The following ZNRF1 variants were observed in gnomAD, a reference collection of about 807,000 sequenced individuals.
ZNRF1 encodes the protein E3 ubiquitin-protein ligase ZNRF1.
A neutral mutation model predicts 18.4 loss-of-function variants in ZNRF1; 3 were observed. The observed-to-expected ratio is 0.16, with a 90% CI of 0.07 to 0.42. ZNRF1 has a LOEUF of 0.42. Among genes scored for constraint, ZNRF1 ranks in the 10% least tolerant of loss-of-function variants. The probability of loss-of-function intolerance (pLI) is 0.99; values close to 1 mark genes in which losing one functional copy is unlikely to be tolerated. For synonymous variants in ZNRF1, 157 were observed against 144.2 expected, an observed-to-expected ratio of 1.09 and a Z score of -0.64; for missense variants, 310 against 329.8, an observed-to-expected ratio of 0.94 and a Z score of 0.47.
At chr16:75,096,061 C>CGTGTGTGTGTGTGTGTGTGTGTGTGTGT (rs56013949) in intron 2 of ZNRF1, among the ~76,000 whole-genome samples, 11 of 139,640 alleles carry the variant, frequency 7.9e-5, no homozygotes, top group Admixed American at 4.3e-4. Flanking sequence ...TATGTGTGCA[C>CGTGTGTGTGTGTGTGTGTGTGTGTGTGT]GTGTGTGTGT....
chr16:75,018,306 T>C (rs1390261217), intron 1 of ZNRF1, among the ~76,000 whole-genome samples: 2 of 152,226 alleles, frequency 1.3e-5, no homozygotes, highest in Non-Finnish European at 2.9e-5. Context: ...TATGCTCTTG[T>C]AGGTTTCATA....
intron 2 of ZNRF1, chr16:75,104,228 T>G (rs1247817569): frequency 6.6e-6 from 1 of 152,516 alleles, no homozygotes; most frequent in Non-Finnish European, 1.5e-5. Flanking sequence ...TATTCCATTG[T>G]GTGGATACAT....
intron 1 of ZNRF1, chr16:75,002,410 G>C (rs1359880818): frequency 6.6e-6 from 1 of 152,192 alleles, no homozygotes; most frequent in Admixed American, 6.5e-5. Flanking sequence ...TTGCAAGATT[G>C]GAAGGGTAAC....
At chr16:75,070,390 A>T (rs747831225) in intron 1 of ZNRF1, among the ~76,000 whole-genome samples, 38 of 152,208 alleles carry the variant, frequency 2.5e-4, no homozygotes, top group Admixed American at 3.9e-4. Flanking sequence ...TCTGAAATAT[A>T]AGCCACCTCT....
chr16:75,063,130 A>T (rs1460296100), intron 1 of ZNRF1, among the ~76,000 whole-genome samples: 5 of 152,236 alleles, frequency 3.3e-5, no homozygotes, highest in African/African-American at 1.2e-4. Flanking sequence ...AAATTTTTGC[A>T]GAGTCATGCG....
chr16:75,051,911 C>G (rs2035611635), intron 1 of ZNRF1, among the ~76,000 whole-genome samples: 2 of 152,206 alleles, frequency 1.3e-5, no homozygotes, highest in Non-Finnish European at 2.9e-5. Context: ...GTACACATTT[C>G]AAAGTAAACT....
chr16:75,031,295 C>G (rs1013321142), intron 1 of ZNRF1, among the ~76,000 whole-genome samples: 1 of 151,880 alleles, frequency 6.6e-6, no homozygotes, highest in Admixed American at 6.6e-5. Context: ...CCAAACCCAA[C>G]TAATTTTTGT....
At chr16:75,081,263 C>T (rs2036008633) in intron 1 of ZNRF1, among the ~76,000 whole-genome samples, 1 of 152,180 alleles carries the variant, frequency 6.6e-6, no homozygotes, top group Non-Finnish European at 1.5e-5. Flanking sequence ...AAGGCCAGTC[C>T]TGTTTTTCTA....
chr16:75,026,828 C>G (rs934661139), intron 1 of ZNRF1, among the ~76,000 whole-genome samples: 1 of 151,722 alleles, frequency 6.6e-6, no homozygotes, highest in Non-Finnish European at 1.5e-5. Context: ...CCCAGCTACT[C>G]AGGAGGCTGA....
chr16:75,060,581 C>A (rs978183313), intron 1 of ZNRF1, among the ~76,000 whole-genome samples: 5 of 145,360 alleles, frequency 3.4e-5, no homozygotes, highest in African/African-American at 1.0e-4. Context: ...CAGGTTCAAG[C>A]GATTCTCCTG....
chr16:75,018,472 CTA>C (rs1473807977), intron 1 of ZNRF1, among the ~76,000 whole-genome samples: 16 of 152,070 alleles, frequency 1.1e-4, no homozygotes, highest in African/African-American at 3.6e-4. Context: ...GTATTAGAAT[CTA>C]TGATCATGGG....
rs568620637 is a variant in ZNRF1, at chr16:75,097,748, T to C, written c.520+4081T>C. Reference sequence around the variant, plus strand: ...GAGAGGATCACTTGAGCCCAGGAGATTGAGGCAGCAGTGAGCTTGATCACG... The same window carrying C: ...GAGAGGATCACTTGAGCCCAGGAGACTGAGGCAGCAGTGAGCTTGATCACG... On this transcript the variant is annotated intron_variant, in intron 2 of 4. Transcript: ENST00000335325. Among the ~76,000 whole-genome samples, 8 of 152,262 alleles carry C rather than the reference T, an allele frequency of 5.3e-5. No homozygotes were observed. The South Asian group carries it at 1.5e-3, about 28-fold the overall frequency.
chr16:75,044,186 C>T (rs1457459256), intron 1 of ZNRF1, among the ~76,000 whole-genome samples: 3 of 151,820 alleles, frequency 2.0e-5, no homozygotes, highest in Non-Finnish European at 2.9e-5. Flanking sequence ...GTTTAGATGT[C>T]ACCTTCCCTA....
chr16:75,061,840 G>GA lies in ZNRF1; in HGVS notation c.425-31730dup, dbSNP rs2035748576. ...GCTTGGTTTAAAGTGCTAATTTGAG[G>GA]AACCAGGTGCTTTGCGTCAGCTTCT... On this transcript the variant is annotated intron_variant, in intron 1 of 4. Transcript: ENST00000335325. Among the ~76,000 whole-genome samples, 4 of 152,286 alleles carry GA rather than the reference G, an allele frequency of 2.6e-5. No homozygotes were observed. The South Asian group carries it at 8.3e-4, about 32-fold the overall frequency.
chr16:75,039,527 G>T (rs2035415786), intron 1 of ZNRF1, among the ~76,000 whole-genome samples: 1 of 152,216 alleles, frequency 6.6e-6, no homozygotes, highest in Non-Finnish European at 1.5e-5. Flanking sequence ...ACTAAACCAT[G>T]AGATCAATCA....
intron 1 of ZNRF1, among the ~76,000 whole-genome samples, chr16:75,030,378 A>G (rs906577734): frequency 2.0e-5 from 3 of 152,160 alleles, no homozygotes; most frequent in Non-Finnish European, 4.4e-5. Context: ...TTAATTCCAA[A>G]TGGATCAAAG....
intron 1 of ZNRF1, among the ~76,000 whole-genome samples, chr16:75,027,683 C>T (rs959360432): frequency 2.6e-5 from 4 of 152,144 alleles, no homozygotes; most frequent in African/African-American, 9.7e-5. Flanking sequence ...CCTCTTTTGC[C>T]TTGTCACACT....
intron 1 of ZNRF1, among the ~76,000 whole-genome samples, chr16:75,032,172 C>G (rs559542407): frequency 7.3e-6 from 1 of 137,656 alleles, no homozygotes; most frequent in East Asian, 2.2e-4. Flanking sequence ...TGCAGTGGTA[C>G]GGTCTCAGCT....
At chr16:75,003,170 C>CA (rs2034875143) in intron 1 of ZNRF1, among the ~76,000 whole-genome samples, 2 of 152,212 alleles carry the variant, frequency 1.3e-5, no homozygotes, top group African/African-American at 4.8e-5. Flanking sequence ...CCATGTTTAT[C>CA]AGGCTGGTCT....
Sources: gnomAD v4.1 joint callset for allele counts (sites outside exome capture counted in the v4.1 genomes callset) on GRCh38, gnomAD v4.1.1 for gene constraint, MANE v1.5 for transcripts, NCBI Gene and HGNC (gene_info 2026-07-23, HGNC 2026-07-21) for gene names.